USP12: variants seen among roughly 807,000 people sequenced by gnomAD.
The protein encoded by USP12 is ubiquitin specific peptidase 12.
In USP12, 19 loss-of-function variants were observed where a neutral mutation model predicts 45.5. The observed-to-expected ratio is 0.42, with a 90% CI of 0.29 to 0.61. The LOEUF (loss-of-function observed/expected upper bound fraction) is 0.61. Ranked by LOEUF, USP12 falls within the 20% of genes least tolerant of loss-of-function variation. The pLI, the probability that USP12 is intolerant of heterozygous loss-of-function variation, is 0.22. For missense variants in USP12, 242 were observed against 447.7 expected, an observed-to-expected ratio of 0.54 and a Z score of 4.15; for synonymous variants, 149 against 148.8, an observed-to-expected ratio of 1.00 and a Z score of -0.01.
intron 4 of USP12, among the ~76,000 whole-genome samples, chr13:27,094,784 G>T (rs1874491770): frequency 6.6e-6 from 1 of 152,038 alleles, no homozygotes; most frequent in South Asian, 2.1e-4. Context: ...GTTAAAGAAG[G>T]CTAAAGAAAC....
chr13:27,160,922 G>C (rs1443729955), intron 1 of USP12, among the ~76,000 whole-genome samples: 1 of 151,926 alleles, frequency 6.6e-6, no homozygotes, highest in East Asian at 1.9e-4. Flanking sequence ...GCATCCATCA[G>C]CTCTTCTTCC....
At chr13:27,150,656 G>C (rs935849090) in intron 1 of USP12, among the ~76,000 whole-genome samples, 1 of 152,170 alleles carries the variant, frequency 6.6e-6, no homozygotes, top group African/African-American at 2.4e-5. Flanking sequence ...CCAGGAGAAC[G>C]AGACTGCAAT....
Position 27,151,871 on chromosome 13 carries a change from A to G in USP12, c.48+19721T>C, listed in dbSNP as rs61499075. ...ATAGATATTTTTCCACAGAAGATAC[A>G]CAAATGGCCAATAAGTACCTAAAGA... On this transcript the variant is annotated intron_variant, in intron 1 of 8. Transcript: ENST00000282344. Among the ~76,000 whole-genome samples, 501 of 152,350 alleles carry G rather than the reference A, an allele frequency of 3.3e-3. 3 individuals are homozygous for G. Among genetic ancestry groups the G allele is most frequent in the African/African-American group, 0.012 (488 of 41,586 alleles).
chr13:27,077,101 C>T (rs749047823), intron 6 of USP12: 2 of 152,014 alleles, frequency 1.3e-5, no homozygotes, highest in African/African-American at 2.4e-5. Flanking sequence ...CAAACATAAC[C>T]GAGTGTTGTA....
chr13:27,069,449 TAA>T, intron 8 of USP12, 65 bp from the exon 9 acceptor site: 2 of 1,223,602 alleles, frequency 1.6e-6, no homozygotes, highest in Non-Finnish European at 2.4e-6. Flanking sequence ...GGCTTAAATT[TAA>T]AAGACTGACA....
chr13:27,130,913 T>A (rs887215864), intron 1 of USP12, among the ~76,000 whole-genome samples: 2 of 152,208 alleles, frequency 1.3e-5, no homozygotes, highest in African/African-American at 4.8e-5. Flanking sequence ...TTCCACCACT[T>A]TGCTTCAGCA....
intron 6 of USP12, among the ~76,000 whole-genome samples, chr13:27,083,522 A>G (rs1390619981): frequency 6.6e-6 from 1 of 152,120 alleles, no homozygotes; most frequent in Non-Finnish European, 1.5e-5. Flanking sequence ...ACAGTTCCCC[A>G]GGGCGATCAC....
intron 1 of USP12, among the ~76,000 whole-genome samples, chr13:27,145,704 C>G (rs1877277172): frequency 6.6e-6 from 1 of 151,964 alleles, no homozygotes; most frequent in South Asian, 2.1e-4. Flanking sequence ...AGTTGTTTAT[C>G]TAGTTGTCCT....
At chr13:27,170,120 T>G (rs994006485) in intron 1 of USP12, 2 of 392,428 alleles carry the variant, frequency 5.1e-6, no homozygotes, top group African/African-American at 2.1e-5. Flanking sequence ...TATAGTCCAT[T>G]TAATACAAAT....
At chr13:27,083,108 T>A (rs1265972059) in intron 6 of USP12, among the ~76,000 whole-genome samples, 1 of 152,230 alleles carries the variant, frequency 6.6e-6, no homozygotes, top group Non-Finnish European at 1.5e-5. Context: ...GTGCTGGGAT[T>A]ACAGGTGTGA....
chr13:27,087,064 C>A (rs1258432338), intron 6 of USP12, among the ~76,000 whole-genome samples: 2 of 151,662 alleles, frequency 1.3e-5, no homozygotes, highest in African/African-American at 2.4e-5. Context: ...TCTGTACAGG[C>A]AGGAGAGGGG....
chr13:27,122,819 C>A (rs902855189), intron 1 of USP12, among the ~76,000 whole-genome samples: 1 of 152,052 alleles, frequency 6.6e-6, no homozygotes, highest in Non-Finnish European at 1.5e-5. Context: ...CGTGGCCAGG[C>A]GCGGTGGCTC....
chr13:27,110,127 T>TTAAAAAAAAAAAAAAAAA (rs9319342), intron 2 of USP12, among the ~76,000 whole-genome samples: 1 of 119,620 alleles, frequency 8.4e-6, no homozygotes, highest in African/African-American at 3.2e-5. Context: ...CTTTTCCAGG[T>TTAAAAAAAAAAAAAAAAA]AAAAAAAAAA....
chr13:27,153,158 C>A (rs1877660367), intron 1 of USP12, among the ~76,000 whole-genome samples: 1 of 151,854 alleles, frequency 6.6e-6, no homozygotes, highest in Non-Finnish European at 1.5e-5. Context: ...ATGGCGAAAC[C>A]CTGTCTCTAC....
At chr13:27,086,195 A>T (rs71425185) in intron 6 of USP12, among the ~76,000 whole-genome samples, 38,598 of 58,414 alleles carry the variant, frequency 0.66, 12,251 homozygotes, top group East Asian at 0.79. Flanking sequence ...AAAAAAAAAA[A>T]AAATATATAT....
Position 27,170,216 on chromosome 13 carries a change from C to A in USP12, c.48+1376G>T, listed in dbSNP as rs528226585. On this transcript the variant is annotated intron_variant, in intron 1 of 8. Coordinates refer to ENST00000282344, the MANE Select transcript of USP12 (RefSeq NM_182488.4). Reference sequence around the variant, plus strand: ...AATGATTCATCCTTCAATATGATTTCTTTAATACTGTCGATTTTATGTCCA... The same window carrying A: ...AATGATTCATCCTTCAATATGATTTATTTAATACTGTCGATTTTATGTCCA... 1.3e-5 allele frequency: 5 copies of A among 398,138 alleles called. No homozygotes were observed. The South Asian group carries it at 3.9e-4, about 31-fold the overall frequency. 24.7% of individuals were successfully genotyped at this position (398,138 alleles called of 1,614,324 possible). A position where few individuals can be genotyped will look rare whatever the true frequency, so the allele number is the denominator to read the frequency against.
intron 1 of USP12, among the ~76,000 whole-genome samples, chr13:27,135,306 ATTTAT>A (rs1253861859): frequency 1.3e-5 from 2 of 152,252 alleles, no homozygotes; most frequent in African/African-American, 4.8e-5. Context: ...AACATTTAGA[ATTTAT>A]TTTGTTTGAT....
At chr13:27,082,184 T>C (rs980367819) in intron 6 of USP12, among the ~76,000 whole-genome samples, 5 of 152,236 alleles carry the variant, frequency 3.3e-5, no homozygotes, top group African/African-American at 1.2e-4. Flanking sequence ...TTCCTCTATA[T>C]TGAAAATCTG....
intron 6 of USP12, among the ~76,000 whole-genome samples, chr13:27,086,189 A>ATATAT (rs1378446137): frequency 0.011 from 931 of 81,542 alleles, 4 homozygotes; most frequent in Non-Finnish European, 0.015. Flanking sequence ...AAAAAAAAAA[A>ATATAT]AAAAAAAAAT....
Sources: gnomAD v4.1 joint callset for allele counts (sites outside exome capture counted in the v4.1 genomes callset) on GRCh38, gnomAD v4.1.1 for gene constraint, MANE v1.5 for transcripts, NCBI Gene and HGNC (gene_info 2026-07-23, HGNC 2026-07-21) for gene names.